ASIC2: variants seen among roughly 807,000 people sequenced by gnomAD.
ASIC2 encodes the protein acid sensing ion channel subunit 2, also known as acid-sensing ion channel 2.
A neutral mutation model predicts 57.3 loss-of-function variants in ASIC2; 25 were observed. The ratio of observed to expected loss-of-function variants is 0.44; its 90% CI spans 0.32 to 0.61. The LOEUF (loss-of-function observed/expected upper bound fraction) is 0.61, where lower values mean the gene tolerates loss of function less well. ASIC2 is among the 20% of genes least tolerant of loss of function. The pLI, the probability that ASIC2 is intolerant of heterozygous loss-of-function variation, is 0.06. For missense variants in ASIC2, 641 were observed against 738.1 expected, an observed-to-expected ratio of 0.87 and a Z score of 1.52; for synonymous variants, 319 against 307.5, an observed-to-expected ratio of 1.04 and a Z score of -0.39.
At chr17:33,471,976 A>G (rs890891343) in intron 1 of ASIC2, among the ~76,000 whole-genome samples, 1 of 151,828 alleles carries the variant, frequency 6.6e-6, no homozygotes, top group East Asian at 1.9e-4. Flanking sequence ...TCAAGGTCTT[A>G]CAGAGCTGAA....
At position 33,851,424 on chromosome 17, in the gene ASIC2, T is replaced by C. The variant is rs71379421; in HGVS notation, c.555+304554A>G. ...GTAAGTGCAGAAATGGCAGGGGATGTGTTGGGGAGTGTTCCAGAGTGAAAA... is the reference window on the plus strand; with the variant it reads ...GTAAGTGCAGAAATGGCAGGGGATGCGTTGGGGAGTGTTCCAGAGTGAAAA... On this transcript the variant is annotated intron_variant, in intron 1 of 9. Transcript: ENST00000359872. Among the ~76,000 whole-genome samples, 1,052 of 152,236 alleles carry C rather than the reference T, an allele frequency of 6.9e-3. 5 individuals carry two copies. The highest frequency in any genetic ancestry group is 0.01 in the Middle Eastern group (3 of 294).
At chr17:33,140,901 G>A (rs2092385228) in intron 1 of ASIC2, among the ~76,000 whole-genome samples, 1 of 152,256 alleles carries the variant, frequency 6.6e-6, no homozygotes, top group Non-Finnish European at 1.5e-5. Flanking sequence ...CGGGCCACAA[G>A]GCAGAACCAC....
At chr17:33,828,351 A>T (rs1913003405) in intron 1 of ASIC2, 1 of 152,186 alleles carries the variant, frequency 6.6e-6, no homozygotes, top group African/African-American at 2.4e-5. Context: ...TGAGAGGGCC[A>T]TGTGACATCA....
intron 6 of ASIC2, among the ~76,000 whole-genome samples, chr17:33,022,311 C>T (rs72817064): frequency 6.6e-6 from 1 of 152,210 alleles, no homozygotes; most frequent in African/African-American, 2.4e-5. Flanking sequence ...CAGTTCCACT[C>T]CCCAGTCACA....
chr17:33,803,434 T>C (rs961336682), intron 1 of ASIC2, among the ~76,000 whole-genome samples: 2 of 152,070 alleles, frequency 1.3e-5, no homozygotes, highest in African/African-American at 4.8e-5. Context: ...ACTTTCAGTA[T>C]AATAAATGGC....
chr17:33,674,720 G>A (rs543315440), intron 1 of ASIC2, among the ~76,000 whole-genome samples: 14 of 152,272 alleles, frequency 9.2e-5, no homozygotes, highest in South Asian at 2.1e-4. Flanking sequence ...CATGCCGCTC[G>A]TTCTGTGATA....
intron 1 of ASIC2, among the ~76,000 whole-genome samples, chr17:34,052,618 C>CTT (rs554412437): frequency 9.8e-5 from 14 of 142,350 alleles, no homozygotes; most frequent in Admixed American, 1.4e-4. Flanking sequence ...ATGAATCTCA[C>CTT]TTTTTTTTTT....
chr17:34,147,092 C>T (rs191876586), intron 1 of ASIC2: 1 of 152,306 alleles, frequency 6.6e-6, no homozygotes, highest in African/African-American at 2.4e-5. Context: ...AGCAGCAACT[C>T]CTCCCCACTC....
At chr17:33,964,254 T>C (rs972751119) in intron 1 of ASIC2, among the ~76,000 whole-genome samples, 18 of 152,232 alleles carry the variant, frequency 1.2e-4, no homozygotes, top group African/African-American at 4.3e-4. Flanking sequence ...TCCACGAGTC[T>C]ATCACACATA....
At chr17:33,128,835 T>G (rs2092334519) in intron 1 of ASIC2, among the ~76,000 whole-genome samples, 1 of 152,232 alleles carries the variant, frequency 6.6e-6, no homozygotes, top group Non-Finnish European at 1.5e-5. Flanking sequence ...GCCATAGTAG[T>G]CACCATACTT....
chr17:33,724,468 G>A (rs374308986), intron 1 of ASIC2, among the ~76,000 whole-genome samples: 51 of 152,290 alleles, frequency 3.3e-4, no homozygotes, highest in African/African-American at 1.2e-3. Context: ...CAAGTAGATC[G>A]GGTAAAGGGT....
chr17:34,069,304 TCC>T (rs1291663907), intron 1 of ASIC2: 5 of 123,102 alleles, frequency 4.1e-5, no homozygotes, highest in Admixed American at 1.6e-4. Flanking sequence ...CCTTCTTCCT[TCC>T]TTCCTTTCTT....
chr17:33,843,570 T>A (rs1372285789), intron 1 of ASIC2, among the ~76,000 whole-genome samples: 1 of 152,192 alleles, frequency 6.6e-6, no homozygotes, highest in Non-Finnish European at 1.5e-5. Context: ...TAGAATGTAA[T>A]GTATTCCTCT....
intron 1 of ASIC2, among the ~76,000 whole-genome samples, chr17:33,975,037 C>T (rs942371610): frequency 1.6e-4 from 24 of 152,208 alleles, no homozygotes; most frequent in Non-Finnish European, 3.5e-4. Context: ...ACATTTGTGT[C>T]TGCTTTATTC....
At chr17:33,977,125 C>T (rs2142001738) in intron 1 of ASIC2, among the ~76,000 whole-genome samples, 1 of 152,022 alleles carries the variant, frequency 6.6e-6, no homozygotes, top group East Asian at 1.9e-4. Flanking sequence ...GCATTAGGCA[C>T]ACTTAATCCG....
At chr17:34,050,912 C>T (rs1317400777) in intron 1 of ASIC2, among the ~76,000 whole-genome samples, 1 of 152,228 alleles carries the variant, frequency 6.6e-6, no homozygotes, top group Non-Finnish European at 1.5e-5. Context: ...AAAGGACAGC[C>T]TGCAGATGCC....
chr17:33,474,395 A>T (rs1458326000), intron 1 of ASIC2, among the ~76,000 whole-genome samples: 2 of 152,140 alleles, frequency 1.3e-5, no homozygotes, highest in East Asian at 3.9e-4. Flanking sequence ...AAAGAAAAGA[A>T]ACAGATGGCA....
intron 1 of ASIC2, among the ~76,000 whole-genome samples, chr17:33,192,691 C>T (rs1433996153): frequency 6.6e-6 from 1 of 152,146 alleles, no homozygotes; most frequent in African/African-American, 2.4e-5. Context: ...CATCCAGCCC[C>T]ATGACATGGT....
intron 1 of ASIC2, among the ~76,000 whole-genome samples, chr17:33,890,348 T>C (rs73272360): frequency 0.16 from 24,172 of 152,262 alleles, 1,946 homozygotes; most frequent in South Asian, 0.2. Flanking sequence ...ACACCCATCC[T>C]GCATGGGTCA....
Sources: allele counts gnomAD v4.1 joint callset (sites outside exome capture counted in the v4.1 genomes callset), GRCh38; gene constraint gnomAD v4.1.1; transcripts MANE v1.5; gene names NCBI Gene and HGNC (gene_info 2026-07-23, HGNC 2026-07-21).